PRKCB: variants seen among roughly 807,000 people sequenced by gnomAD.
PRKCB encodes protein kinase C beta type.
A neutral mutation model predicts 81.5 loss-of-function variants in PRKCB; 13 were observed. The observed-to-expected ratio is 0.16, with a 90% CI of 0.10 to 0.25. The LOEUF is 0.25. PRKCB is among the 10% of genes least tolerant of loss of function. The pLI is 1.00. For missense variants in PRKCB, 509 were observed against 875.7 expected, an observed-to-expected ratio of 0.58 and a Z score of 5.29; for synonymous variants, 335 against 321.4, an observed-to-expected ratio of 1.04 and a Z score of -0.45.
intron 16 of PRKCB, among the ~76,000 whole-genome samples, chr16:24,198,673 A>G (rs1284947064): frequency 1.3e-5 from 2 of 152,292 alleles, no homozygotes; most frequent in Non-Finnish European, 1.5e-5. Context: ...TGTGTGTACA[A>G]TGATCTGCCC....
intron 2 of PRKCB, among the ~76,000 whole-genome samples, chr16:23,944,324 A>T (rs1480588877): frequency 6.6e-6 from 1 of 152,240 alleles, no homozygotes; most frequent in African/African-American, 2.4e-5. Context: ...AATATAGCTT[A>T]AAATTATCCT....
chr16:24,111,493 T>C (rs1346343203), intron 7 of PRKCB, among the ~76,000 whole-genome samples: 2 of 152,020 alleles, frequency 1.3e-5, no homozygotes, highest in Non-Finnish European at 2.9e-5. Flanking sequence ...TGTTTATTAT[T>C]ATATTAGTAG....
chr16:23,905,529 T>A (rs1455450777), intron 2 of PRKCB, among the ~76,000 whole-genome samples: 3 of 152,226 alleles, frequency 2.0e-5, no homozygotes, highest in Non-Finnish European at 4.4e-5. Context: ...TAGCACCAAC[T>A]TATCCTAAAA....
rs1968301367 is a variant in PRKCB, at chr16:24,220,168, TG to T, written c.*5353del. The T allele has an allele frequency of 5.6e-6, 9 of 1,598,698 alleles. No individual in the cohort carries two copies. The highest frequency in any genetic ancestry group is 7.7e-6 in the Non-Finnish European group (9 of 1,168,844). The stretch of plus-strand genomic sequence containing the variant: ...GGTGTAAGACTTCAAGCCAAGCGTA[TG>T]TATCAATTCTAGTCTTCCAGGATTC... On this transcript the variant is annotated 3_prime_UTR_variant, in exon 17 of 17. Coordinates refer to ENST00000643927, the MANE Select transcript of PRKCB (RefSeq NM_002738.7).
At position 23,988,778 on chromosome 16, in the gene PRKCB, T is replaced by C. The variant is rs79839588; in HGVS notation, c.288+188T>C. ...AAATTTTGGAGGGAGTGTGGCTGGA[T>C]AGGAAGTCAGCTAGTTTGTCTACTA... On this transcript the variant is annotated intron_variant, in intron 3 of 16. Coordinates refer to ENST00000643927, the MANE Select transcript of PRKCB (RefSeq NM_002738.7). 6.3e-3 allele frequency among the ~76,000 whole-genome samples: 954 copies of C among 152,218 alleles called. 2 individuals carry two copies. The highest frequency in any genetic ancestry group is 0.012 in the African/African-American group (486 of 41,522).
At chr16:24,011,668 C>T (rs1965204478) in intron 3 of PRKCB, among the ~76,000 whole-genome samples, 1 of 152,134 alleles carries the variant, frequency 6.6e-6, no homozygotes, top group Admixed American at 6.5e-5. Flanking sequence ...AGGCATACAC[C>T]ACCACACCTG....
chr16:24,109,579 T>C (rs2141915491), intron 7 of PRKCB, among the ~76,000 whole-genome samples: 1 of 120,812 alleles, frequency 8.3e-6, no homozygotes, highest in African/African-American at 4.2e-5. Flanking sequence ...CCTCACTTCC[T>C]AGGTGGGATG....
chr16:23,940,646 G>A (rs749654774), intron 2 of PRKCB, among the ~76,000 whole-genome samples: 22 of 151,632 alleles, frequency 1.5e-4, no homozygotes, highest in African/African-American at 4.1e-4. Context: ...TATATATCAC[G>A]CATATATTTA....
At chr16:23,970,975 A>G (rs1280837025) in intron 2 of PRKCB, among the ~76,000 whole-genome samples, 1 of 152,108 alleles carries the variant, frequency 6.6e-6, no homozygotes, top group Non-Finnish European at 1.5e-5. Context: ...CCATGGGCAG[A>G]TTTTCTGGGC....
chr16:23,946,831 C>T (rs371113923), intron 2 of PRKCB, among the ~76,000 whole-genome samples: 3 of 149,392 alleles, frequency 2.0e-5, no homozygotes, highest in African/African-American at 2.5e-5. Flanking sequence ...ATAGATCACA[C>T]GTTTTCTTTC....
intron 7 of PRKCB, chr16:24,098,437 A>G (rs1166005444): frequency 6.6e-6 from 1 of 152,188 alleles, no homozygotes; most frequent in East Asian, 1.9e-4. Context: ...CTTTGGGGTT[A>G]TCTACTAGAA....
intron 3 of PRKCB, among the ~76,000 whole-genome samples, chr16:24,004,058 C>A (rs1406725396): frequency 6.6e-6 from 1 of 151,856 alleles, no homozygotes; most frequent in Non-Finnish European, 1.5e-5. Flanking sequence ...AGAGATAAAA[C>A]AACAAAGAAA....
intron 2 of PRKCB, among the ~76,000 whole-genome samples, chr16:23,898,624 T>G (rs1020682154): frequency 6.6e-6 from 1 of 152,078 alleles, no homozygotes; most frequent in African/African-American, 2.4e-5. Flanking sequence ...CTTGACAAAA[T>G]GAAGTTTAAA....
chr16:24,097,268 C>T (rs1966458081), intron 7 of PRKCB, among the ~76,000 whole-genome samples: 1 of 152,088 alleles, frequency 6.6e-6, no homozygotes. Context: ...GATCTCCTGA[C>T]CTTGTGATCT....
intron 2 of PRKCB, among the ~76,000 whole-genome samples, chr16:23,960,118 T>A (rs1964405251): frequency 1.3e-5 from 2 of 151,948 alleles, no homozygotes; most frequent in African/African-American, 4.8e-5. Context: ...ATGATTAATG[T>A]CCCCCAGGGC....
intron 2 of PRKCB, among the ~76,000 whole-genome samples, chr16:23,906,315 A>G (rs568495509): frequency 1.3e-5 from 2 of 152,066 alleles, no homozygotes; most frequent in Non-Finnish European, 1.5e-5. Context: ...TGAAAGCTCT[A>G]TTTCTTTTTC....
intron 9 of PRKCB, among the ~76,000 whole-genome samples, chr16:24,128,551 GT>G (rs1966848542): frequency 6.6e-6 from 1 of 152,204 alleles, no homozygotes; most frequent in Admixed American, 6.5e-5. Context: ...ACTGTGGAGA[GT>G]TTGTTTTTTT....
chr16:24,192,857 T>C (rs534185442), intron 16 of PRKCB, among the ~76,000 whole-genome samples: 1 of 152,332 alleles, frequency 6.6e-6, no homozygotes, highest in African/African-American at 2.4e-5. Context: ...GGTGACTTGA[T>C]GAGCTCTCAA....
intron 2 of PRKCB, among the ~76,000 whole-genome samples, chr16:23,868,307 C>T (rs1962842342): frequency 6.6e-6 from 1 of 152,214 alleles, no homozygotes; most frequent in Admixed American, 6.5e-5. Context: ...AAAAATAAAA[C>T]TCAGACTTAG....
Sources: allele counts gnomAD v4.1 joint callset (sites outside exome capture counted in the v4.1 genomes callset), GRCh38; gene constraint gnomAD v4.1.1; transcripts MANE v1.5; gene names NCBI Gene and HGNC (gene_info 2026-07-23, HGNC 2026-07-21).